The following TDP1 variants were observed in gnomAD, a reference collection of about 807,000 sequenced individuals.
The protein encoded by TDP1 is tyr-DNA phosphodiesterase 1.
A neutral mutation model predicts 81.5 loss-of-function variants in TDP1; 64 were observed. The ratio of observed to expected loss-of-function variants is 0.79; its 90% CI spans 0.64 to 0.97. The LOEUF is 0.97. Among genes scored for constraint, TDP1 ranks in the 50% least tolerant of loss-of-function variants. The pLI, the probability that TDP1 is intolerant of heterozygous loss-of-function variation, is 0.00. For missense variants in TDP1, 723 were observed against 743.8 expected (o/e 0.97, Z 0.33); for synonymous variants, 256 against 264.3 (o/e 0.97, Z 0.30).
chr14:90,019,206 T>C, intron 14 of TDP1, 110 bp from the exon 15 acceptor site: 1 of 1,294,936 alleles, frequency 7.7e-7, no homozygotes, highest in South Asian at 1.3e-5. Context: ...AATGAATGAA[T>C]GTGATTGCAG....
chr14:89,964,453 A>T (rs1440464460), intron 3 of TDP1, among the ~76,000 whole-genome samples: 3 of 152,186 alleles, frequency 2.0e-5, no homozygotes, highest in African/African-American at 7.2e-5. Flanking sequence ...GGGAGCAAAT[A>T]TATGAAGTAA....
intron 14 of TDP1, among the ~76,000 whole-genome samples, chr14:90,006,129 C>T (rs1023426838): frequency 1.3e-5 from 2 of 152,138 alleles, no homozygotes; most frequent in Non-Finnish European, 1.5e-5. Flanking sequence ...AGTGAGGTTG[C>T]AAGTAGATTT....
At chr14:90,040,144 C>G (rs1437531185) in intron 16 of TDP1, among the ~76,000 whole-genome samples, 1 of 152,168 alleles carries the variant, frequency 6.6e-6, no homozygotes, top group African/African-American at 2.4e-5. Flanking sequence ...TAGGCCTCCT[C>G]TTTCTCACCC....
At chr14:90,014,892 A>G (rs1040383463) in intron 14 of TDP1, among the ~76,000 whole-genome samples, 1 of 152,238 alleles carries the variant, frequency 6.6e-6, no homozygotes, top group Middle Eastern at 3.2e-3. Context: ...GGTCATCTTC[A>G]TAGCTCCCCA....
intron 15 of TDP1, among the ~76,000 whole-genome samples, chr14:90,029,345 G>A (rs111448265): frequency 0.055 from 8,263 of 151,064 alleles, 372 homozygotes; most frequent in African/African-American, 0.12. Context: ...TTACAGATGC[G>A]CACTACCACA....
At chr14:90,023,153 A>C in intron 15 of TDP1, 1 of 718,230 alleles carries the variant, frequency 1.4e-6, no homozygotes, top group Non-Finnish European at 2.5e-6. Flanking sequence ...TGGGGCATTC[A>C]AAATACAGGG....
chr14:89,965,577 C>G (rs915826498), intron 3 of TDP1, among the ~76,000 whole-genome samples: 16 of 152,138 alleles, frequency 1.1e-4, no homozygotes, highest in African/African-American at 3.9e-4. Flanking sequence ...AGTGAGCTTT[C>G]AACTTACCTA....
At chr14:90,006,893 C>A (rs1884094200) in intron 14 of TDP1, among the ~76,000 whole-genome samples, 1 of 152,084 alleles carries the variant, frequency 6.6e-6, no homozygotes, top group African/African-American at 2.4e-5. Flanking sequence ...AAATGTTGCT[C>A]AGGTTGCTGT....
intron 11 of TDP1, chr14:89,989,378 A>T (rs187592050): frequency 6.2e-5 from 61 of 985,188 alleles, no homozygotes; most frequent in Non-Finnish European, 7.2e-5. Context: ...AGGTTGTTGA[A>T]CCAAGGTAGA....
At position 90,033,642 on chromosome 14, in the gene TDP1, T is replaced by C. The variant is rs1471484376; in HGVS notation, c.1753+428T>C. 6 of 250,548 alleles carry C rather than the reference T, an allele frequency of 2.4e-5. No individual in the cohort carries two copies. In the East Asian group the frequency reaches 2.7e-4, roughly 11 times the overall value. 15.5% of individuals were successfully genotyped at this position (250,548 alleles called of 1,614,324 possible). ...TTGTTGACTATCTCATAGAATTTAT[T>C]GGAGACTACTAAAGTACTGTTTCTA... On this transcript the variant is annotated intron_variant, in intron 16 of 16. Coordinates refer to ENST00000335725, the MANE Select transcript of TDP1 (RefSeq NM_018319.4).
At chr14:90,006,559 CAG>C (rs1897709273) in intron 14 of TDP1, among the ~76,000 whole-genome samples, 1 of 151,446 alleles carries the variant, frequency 6.6e-6, no homozygotes, top group African/African-American at 2.4e-5. Context: ...TTTTTTGAGA[CAG>C]AGTCTTGCTC....
At chr14:89,991,836 G>A in intron 12 of TDP1, 81 bp from the exon 13 acceptor site, 1 of 1,396,776 alleles carries the variant, frequency 7.2e-7, no homozygotes, top group Non-Finnish European at 9.8e-7. Flanking sequence ...CCTTCTTGCT[G>A]TTTATTGTAG....
chr14:90,025,013 C>T (rs527290885), intron 15 of TDP1, among the ~76,000 whole-genome samples: 68 of 152,294 alleles, frequency 4.5e-4, no homozygotes, highest in South Asian at 2.1e-3. Context: ...TCTGTGTCCG[C>T]ACCACCCACA....
At chr14:89,957,628 G>C (rs1891818102) in intron 2 of TDP1, among the ~76,000 whole-genome samples, 1 of 152,232 alleles carries the variant, frequency 6.6e-6, no homozygotes, top group South Asian at 2.1e-4. Context: ...ATATAGTGGG[G>C]AGTGAGGAAA....
At chr14:90,018,087 T>A (rs1036160307) in intron 14 of TDP1, among the ~76,000 whole-genome samples, 31 of 146,946 alleles carry the variant, frequency 2.1e-4, no homozygotes, top group South Asian at 4.2e-4. Flanking sequence ...TTTTTTTTTT[T>A]ATCTTACTTG....
chr14:89,966,797 G>GT (rs1489828641), intron 4 of TDP1, among the ~76,000 whole-genome samples: 1 of 152,200 alleles, frequency 6.6e-6, no homozygotes, highest in Non-Finnish European at 1.5e-5. Flanking sequence ...GCTCGACTGA[G>GT]TTACTAAGTC....
chr14:89,967,552 C>A, intron 5 of TDP1, 130 bp downstream of exon 5: 1 of 787,564 alleles, frequency 1.3e-6, no homozygotes, highest in South Asian at 1.4e-5. Context: ...ATCACACAGA[C>A]ATTAAGTTAT....
rs1383130028 is a variant in TDP1 at position 89,998,428 on chromosome 14, G to GTATA, written c.1541+4948_1541+4949insATAT. 2.2e-3 allele frequency among the ~76,000 whole-genome samples: 227 copies of GTATA among 104,722 alleles called. 7 individuals carry two copies. The highest frequency in any genetic ancestry group is 0.01 in the African/African-American group (212 of 20,700). 68.7% of individuals were successfully genotyped at this position (104,722 alleles called of 152,430 possible). On this transcript the variant is annotated intron_variant, in intron 14 of 16. Coordinates refer to ENST00000335725, the MANE Select transcript of TDP1 (RefSeq NM_018319.4). ...TATATATATATATATATATATGTATGTATGTATGTATGTATATGTATATGT... is the reference window on the plus strand; with the variant it reads ...TATATATATATATATATATATGTATGTATATATGTATGTATGTATATGTATATGT...
chr14:89,996,996 A>C (rs35533253), intron 14 of TDP1, among the ~76,000 whole-genome samples: 13,924 of 152,310 alleles, frequency 0.091, 1,392 homozygotes, highest in African/African-American at 0.25. Flanking sequence ...AGGTTCTCAC[A>C]GAATTTACAT....
Sources: allele counts gnomAD v4.1 joint callset (sites outside exome capture counted in the v4.1 genomes callset), GRCh38; gene constraint gnomAD v4.1.1; transcripts MANE v1.5; gene names NCBI Gene and HGNC (gene_info 2026-07-23, HGNC 2026-07-21).